Variants in CAMKMT observed in about 807,000 individuals in gnomAD.
CAMKMT encodes the protein CaM KMT.
A neutral mutation model predicts 48.0 loss-of-function variants in CAMKMT; 53 were observed. That is an observed-to-expected ratio of 1.10 (90% CI 0.89 to 1.39). CAMKMT has a LOEUF of 1.39. Among genes scored for constraint, CAMKMT ranks in the 40% most tolerant of loss-of-function variants. The probability of loss-of-function intolerance (pLI) is 0.00; values close to 1 mark genes in which losing one functional copy is unlikely to be tolerated. For missense variants in CAMKMT, 428 were observed against 402.7 expected (o/e 1.06, Z -0.54); for synonymous variants, 165 against 152.3 (o/e 1.08, Z -0.61).
At chr2:44,383,578 C>T (rs1197997344) in intron 2 of CAMKMT, among the ~76,000 whole-genome samples, 1 of 152,062 alleles carries the variant, frequency 6.6e-6, no homozygotes, top group East Asian at 1.9e-4. Flanking sequence ...TTTTGGTTCA[C>T]CCATCAGCTG....
chr2:44,377,985 A>G (rs1169621161), intron 2 of CAMKMT, among the ~76,000 whole-genome samples: 2 of 152,236 alleles, frequency 1.3e-5, no homozygotes, highest in Non-Finnish European at 2.9e-5. Context: ...TATGTGTAGT[A>G]TAACCTAGGT....
intron 3 of CAMKMT, among the ~76,000 whole-genome samples, chr2:44,576,530 A>G (rs1669231148): frequency 6.6e-6 from 1 of 152,188 alleles, no homozygotes; most frequent in South Asian, 2.1e-4. Context: ...TTCCTGGTGG[A>G]GAATAATTTG....
At chr2:44,429,658 G>A (rs1239746507) in intron 3 of CAMKMT, among the ~76,000 whole-genome samples, 2 of 151,558 alleles carry the variant, frequency 1.3e-5, no homozygotes, top group African/African-American at 2.4e-5. Flanking sequence ...AAAATTAGCC[G>A]GGCGCGGTGG....
At chr2:44,553,012 C>A (rs1667806073) in intron 3 of CAMKMT, among the ~76,000 whole-genome samples, 2 of 152,176 alleles carry the variant, frequency 1.3e-5, no homozygotes, top group South Asian at 4.1e-4. Flanking sequence ...CGAAAGGAGG[C>A]TTAGCCAAAG....
chr2:44,622,307 A>G (rs963231867), intron 3 of CAMKMT, among the ~76,000 whole-genome samples: 62 of 152,198 alleles, frequency 4.1e-4, no homozygotes, highest in South Asian at 1.0e-3. Flanking sequence ...CATATAATCA[A>G]TGCACCCATT....
intron 3 of CAMKMT, among the ~76,000 whole-genome samples, chr2:44,399,289 G>T (rs1404684853): frequency 6.6e-6 from 1 of 152,082 alleles, no homozygotes; most frequent in African/African-American, 2.4e-5. Context: ...TAATATTTTG[G>T]TTAATCCTGG....
At chr2:44,422,308 T>C (rs1683986449) in intron 3 of CAMKMT, among the ~76,000 whole-genome samples, 1 of 152,240 alleles carries the variant, frequency 6.6e-6, no homozygotes, top group Non-Finnish European at 1.5e-5. Context: ...ACTTCTTTTC[T>C]TTATAAATTA....
At chr2:44,721,172 C>T (rs1172407555) in intron 7 of CAMKMT, among the ~76,000 whole-genome samples, 1 of 152,014 alleles carries the variant, frequency 6.6e-6, no homozygotes, top group East Asian at 1.9e-4. Context: ...TAAAAATATC[C>T]ACCATGATTA....
intron 3 of CAMKMT, among the ~76,000 whole-genome samples, chr2:44,681,885 T>A (rs915467330): frequency 1.3e-5 from 2 of 152,210 alleles, no homozygotes; most frequent in Admixed American, 6.5e-5. Context: ...ACGGACACAA[T>A]ATTAAAATAT....
chr2:44,660,430 T>C (rs2104079796), intron 3 of CAMKMT, among the ~76,000 whole-genome samples: 1 of 152,376 alleles, frequency 6.6e-6, no homozygotes, highest in East Asian at 1.9e-4. Context: ...AGGCAATGCA[T>C]ATTGCAACAT....
intron 8 of CAMKMT, among the ~76,000 whole-genome samples, chr2:44,744,449 T>C (rs1679839307): frequency 6.6e-6 from 1 of 152,290 alleles, no homozygotes; most frequent in East Asian, 1.9e-4. Flanking sequence ...ACTAATCTTA[T>C]GTATTTCTTC....
chr2:44,669,824 G>A (rs1047235164), intron 3 of CAMKMT, among the ~76,000 whole-genome samples: 1 of 152,004 alleles, frequency 6.6e-6, no homozygotes, highest in Non-Finnish European at 1.5e-5. Context: ...TTTTTGTAGA[G>A]ACGAAGTTTC....
rs764984677 is a variant in CAMKMT at position 44,661,310 on chromosome 2, C to CTTTT, written c.377-42953_377-42950dup. ...AATAACAACAATGGTTGTGAGCAGC[C>CTTTT]TTTTTTTTTTTTTTTTTTTTTTTGA... On this transcript the variant is annotated intron_variant, in intron 3 of 10. Transcript: ENST00000378494. Among the ~76,000 whole-genome samples the CTTTT allele has an allele frequency of 2.7e-3, 241 of 89,196 alleles. 2 individuals carry two copies. Among genetic ancestry groups the CTTTT allele is most frequent in the African/African-American group, 7.0e-3 (140 of 20,054 alleles). 58.5% of individuals were successfully genotyped at this position (89,196 alleles called of 152,430 possible).
chr2:44,419,525 A>G (rs1683785857), intron 3 of CAMKMT, among the ~76,000 whole-genome samples: 1 of 152,202 alleles, frequency 6.6e-6, no homozygotes, highest in Non-Finnish European at 1.5e-5. Context: ...TGGCAAGGAA[A>G]TAGATTCTCC....
intron 2 of CAMKMT, among the ~76,000 whole-genome samples, chr2:44,374,848 TTAG>T (rs1289385194): frequency 6.6e-6 from 1 of 152,168 alleles, no homozygotes; most frequent in Non-Finnish European, 1.5e-5. Context: ...TTCAAACTAG[TTAG>T]TATCTGTCCA....
chr2:44,659,645 T>C (rs1344753200), intron 3 of CAMKMT, among the ~76,000 whole-genome samples: 2 of 152,132 alleles, frequency 1.3e-5, no homozygotes, highest in African/African-American at 4.8e-5. Flanking sequence ...ATTCTCTTTA[T>C]GGTACTTTAT....
At chr2:44,741,660 G>A (rs1396221358) in intron 7 of CAMKMT, among the ~76,000 whole-genome samples, 1 of 152,140 alleles carries the variant, frequency 6.6e-6, no homozygotes, top group Non-Finnish European at 1.5e-5. Context: ...AGCCTCATGA[G>A]AACTGGGGAA....
chr2:44,428,366 A>T (rs1423581877), intron 3 of CAMKMT, among the ~76,000 whole-genome samples: 1 of 152,192 alleles, frequency 6.6e-6, no homozygotes, highest in African/African-American at 2.4e-5. Flanking sequence ...CGACGTTCAG[A>T]CACATCTTCT....
At chr2:44,720,607 A>G (rs979177004) in intron 7 of CAMKMT, among the ~76,000 whole-genome samples, 2 of 152,144 alleles carry the variant, frequency 1.3e-5, no homozygotes. Flanking sequence ...TTAATAATGG[A>G]CATTAGTTTG....
Sources: allele counts gnomAD v4.1 joint callset (sites outside exome capture counted in the v4.1 genomes callset), GRCh38; gene constraint gnomAD v4.1.1; transcripts MANE v1.5; gene names NCBI Gene and HGNC (gene_info 2026-07-23, HGNC 2026-07-21).